The following ETV1 variants were observed in gnomAD, a reference collection of about 807,000 sequenced individuals.
ETV1 encodes ETS variant transcription factor 1, also known as ETS translocation variant 1.
A neutral mutation model predicts 62.3 loss-of-function variants in ETV1; 27 were observed. That is an observed-to-expected ratio of 0.43 (90% CI 0.32 to 0.60). The LOEUF is 0.60. ETV1 is among the 20% of genes least tolerant of loss of function. The pLI is 0.06. For synonymous variants in ETV1, 222 were observed against 199.6 expected (o/e 1.11, Z -0.94); for missense variants, 605 against 605.8 (o/e 1.00, Z 0.01).
chr7:13,945,133 C>T (rs1430799312), intron 6 of ETV1, among the ~76,000 whole-genome samples: 4 of 152,172 alleles, frequency 2.6e-5, no homozygotes, highest in Admixed American at 2.6e-4. Context: ...AAAATTAATA[C>T]ACCACTCCCA....
intron 9 of ETV1, among the ~76,000 whole-genome samples, chr7:13,911,840 C>T (rs1783600334): frequency 6.6e-6 from 1 of 152,136 alleles, no homozygotes; most frequent in Non-Finnish European, 1.5e-5. Flanking sequence ...AACACTGTTT[C>T]CTGATATCTG....
intron 6 of ETV1, among the ~76,000 whole-genome samples, chr7:13,965,356 A>C (rs984297910): frequency 8.5e-5 from 13 of 152,170 alleles, no homozygotes; most frequent in African/African-American, 3.1e-4. Flanking sequence ...ACAAACCTCT[A>C]TTGGAAGGTG....
At chr7:13,898,477 C>A (rs1319961494) in intron 13 of ETV1, among the ~76,000 whole-genome samples, 1 of 152,142 alleles carries the variant, frequency 6.6e-6, no homozygotes, top group African/African-American at 2.4e-5. Flanking sequence ...TTGTTCTAGG[C>A]ATTTCCTAAT....
chr7:13,935,686 A>G (rs1176590753), intron 8 of ETV1, 22 bp downstream of exon 8: 2 of 1,601,114 alleles, frequency 1.2e-6, no homozygotes, highest in Admixed American at 3.4e-5. Flanking sequence ...CAGTTTCTAG[A>G]AAACTGGTAT....
At chr7:13,956,134 C>A in intron 6 of ETV1, among the ~76,000 whole-genome samples, 1 of 152,138 alleles carries the variant, frequency 6.6e-6, no homozygotes, top group Admixed American at 6.5e-5. Context: ...AGAAATATTA[C>A]AATAGCCGAA....
At chr7:13,915,505 G>A (rs1467990837) in intron 9 of ETV1, among the ~76,000 whole-genome samples, 2 of 152,228 alleles carry the variant, frequency 1.3e-5, no homozygotes, top group South Asian at 2.1e-4. Flanking sequence ...TTTAAACTTA[G>A]TACTTCACTA....
intron 3 of ETV1, 152 bp from the exon 4 acceptor site, chr7:13,988,325 T>A: frequency 1.7e-6 from 1 of 598,498 alleles, no homozygotes; most frequent in East Asian, 2.8e-5. Flanking sequence ...GTATCAACTC[T>A]AATATTCATT....
intron 13 of ETV1, among the ~76,000 whole-genome samples, chr7:13,898,175 A>G (rs958097783): frequency 6.6e-6 from 1 of 152,220 alleles, no homozygotes; most frequent in African/African-American, 2.4e-5. Context: ...ATTATGAGTA[A>G]CAGAAGTACT....
At chr7:13,989,211 A>G (rs1401040422) in intron 2 of ETV1, 57 bp downstream of exon 2, 1 of 627,436 alleles carries the variant, frequency 1.6e-6, no homozygotes, top group Non-Finnish European at 2.7e-6. Context: ...TGCATAGCTA[A>G]TTACCCTCCG....
At position 13,981,182 on chromosome 7, in the gene ETV1, C is replaced by T. The variant is rs999363394; in HGVS notation, c.182-3702G>A. Among the ~76,000 whole-genome samples the T allele has an allele frequency of 2.6e-5, 4 of 152,134 alleles. No individual in the cohort carries two copies. The East Asian group carries it at 7.8e-4, about 30-fold the overall frequency. ...GGTTAATATTTAATTAAAACCAGTT[C>T]TATCCACTGTAACAATGACCTGGAG... On this transcript the variant is annotated intron_variant, in intron 5 of 13. Coordinates refer to ENST00000430479, the MANE Select transcript of ETV1 (RefSeq NM_004956.5).
At position 13,896,001 on chromosome 7, in the gene ETV1, C is replaced by A. The variant is rs1289052752; in HGVS notation, c.1299G>T (p.Leu433=). Reference sequence around the variant, plus strand: ...TGTGACGTTCCATGTCTGTCTTCAGCAGTGGACGCTGATTATCTGGAAAGG... The same window carrying A: ...TGTGACGTTCCATGTCTGTCTTCAGAAGTGGACGCTGATTATCTGGAAAGG... ...SMAFPDNQRP[L]LKTDMERHIN... is the part of the protein sequence containing the mutation. Residue 433 remains leucine (L), a synonymous_variant, in exon 14 of 14, where the codon CTG becomes CTT. Transcript: ENST00000430479. The A allele has an allele frequency of 6.2e-7, 1 of 1,613,692 alleles. No homozygotes were observed. Among genetic ancestry groups the A allele is most frequent in the Non-Finnish European group, 8.5e-7 (1 of 1,179,782 alleles).
chr7:13,906,384 T>C (rs1782956338), intron 12 of ETV1, 46 bp downstream of exon 12: 1 of 1,265,058 alleles, frequency 7.9e-7, no homozygotes, highest in East Asian at 2.7e-5. Context: ...AGTTTCTTTA[T>C]GTTATAACAT....
At chr7:13,903,998 C>G (rs1782703570) in intron 12 of ETV1, among the ~76,000 whole-genome samples, 1 of 152,056 alleles carries the variant, frequency 6.6e-6, no homozygotes, top group South Asian at 2.1e-4. Context: ...ATCAGTAATT[C>G]CAATAAGATG....
Position 13,893,552 on chromosome 7 carries a change from G to A in ETV1, c.*2314C>T, listed in dbSNP as rs1408083375. ...TCTGCCATTGTTCTCTTGTGATAACGTTAGCATGGCCCAATTCTTCCTCAC... is the reference window on the plus strand; with the variant it reads ...TCTGCCATTGTTCTCTTGTGATAACATTAGCATGGCCCAATTCTTCCTCAC... On this transcript the variant is annotated 3_prime_UTR_variant, in exon 14 of 14. Coordinates refer to ENST00000430479, the MANE Select transcript of ETV1 (RefSeq NM_004956.5). 1.3e-5 allele frequency: 3 copies of A among 231,426 alleles called. No homozygotes were observed. The highest frequency in any genetic ancestry group is 1.8e-4 in the South Asian group (1 of 5,492). The allele number at this position is 231,426 out of a possible 1,614,324, so 14.3% of individuals were successfully genotyped here.
At position 13,920,570 on chromosome 7, in the gene ETV1, T is replaced by C. The variant is rs192200690; in HGVS notation, c.803-9263A>G. 1.8e-4 allele frequency among the ~76,000 whole-genome samples: 27 copies of C among 152,160 alleles called. No homozygotes were observed. In the East Asian group the frequency reaches 4.8e-3, roughly 27 times the overall value. On this transcript the variant is annotated intron_variant, in intron 9 of 13. Coordinates refer to ENST00000430479, the MANE Select transcript of ETV1 (RefSeq NM_004956.5). ...GGCTCTGCCCCTAGGGATCAATCAG[T>C]CATGGGTAAAACTGGTATGATTGGT...
intron 6 of ETV1, among the ~76,000 whole-genome samples, chr7:13,957,386 T>C (rs1789610918): frequency 6.6e-6 from 1 of 152,198 alleles, no homozygotes; most frequent in Non-Finnish European, 1.5e-5. Flanking sequence ...TATTTAAATG[T>C]AACCTTTTGA....
chr7:13,988,918 C>T, intron 3 of ETV1, 90 bp downstream of exon 3: 1 of 1,473,552 alleles, frequency 6.8e-7, no homozygotes, highest in South Asian at 1.2e-5. Context: ...CAATCCCAAC[C>T]CCCGTGCCCC....
At chr7:13,902,120 C>A (rs999415605) in intron 12 of ETV1, among the ~76,000 whole-genome samples, 1 of 152,102 alleles carries the variant, frequency 6.6e-6, no homozygotes, top group Admixed American at 6.6e-5. Context: ...ACCTAGGCAA[C>A]CCCAAGAGGA....
At chr7:13,976,703 A>G (rs966195614) in intron 6 of ETV1, among the ~76,000 whole-genome samples, 2 of 152,204 alleles carry the variant, frequency 1.3e-5, no homozygotes, top group African/African-American at 4.8e-5. Context: ...CAGATTATAA[A>G]TATCAGCAGT....
Sources: allele counts gnomAD v4.1 joint callset (sites outside exome capture counted in the v4.1 genomes callset), GRCh38; gene constraint gnomAD v4.1.1; transcripts MANE v1.5; gene names NCBI Gene and HGNC (gene_info 2026-07-23, HGNC 2026-07-21).